Variants in TOP3B observed in about 807,000 individuals in gnomAD.
The protein encoded by TOP3B is DNA topoisomerase III beta.
TOP3B carries 45 observed loss-of-function variants against 93.9 expected under a neutral mutation model. The observed-to-expected ratio is 0.48, with a 90% confidence interval of 0.38 to 0.61. The LOEUF (loss-of-function observed/expected upper bound fraction) is 0.61, where lower values mean the gene tolerates loss of function less well. Ranked by LOEUF, TOP3B falls within the 20% of genes least tolerant of loss-of-function variation. TOP3B has a pLI of 0.00. For missense variants in TOP3B, 750 were observed against 1,156.1 expected, an observed-to-expected ratio of 0.65 and a Z score of 5.09; for synonymous variants, 357 against 472.6, an observed-to-expected ratio of 0.76 and a Z score of 3.17.
chr22:21,958,832 T>C (rs1392598250), intron 16 of TOP3B, 139 bp from the exon 17 acceptor site: 1 of 1,352,352 alleles, frequency 7.4e-7, no homozygotes, highest in African/African-American at 1.5e-5. Flanking sequence ...AGCATGAGTC[T>C]CTGGCTCTTG....
chr22:21,964,244 T>C lies in TOP3B; in HGVS notation c.1015A>G (p.Thr339Ala), dbSNP rs2071324105. The C allele has an allele frequency of 6.2e-7, 1 of 1,614,140 alleles. No individual in the cohort carries two copies. Among genetic ancestry groups the C allele is most frequent in the East Asian group, 2.2e-5 (1 of 44,882 alleles). Residue 339 changes from threonine (T) to alanine (A), a missense_variant, in exon 10 of 18, where the codon ACA becomes GCA. Transcript: ENST00000357179. Reference protein sequence around the residue: ...YTQGYISYPRTETTHYPENFD... With the variant: ...YTQGYISYPRAETTHYPENFD... ...TTCTCAGGGTAGTGGGTGGTCTCTGTCCGTGGGTAGCTGATGTAGCCTTGC... is the reference window on the plus strand; with the variant it reads ...TTCTCAGGGTAGTGGGTGGTCTCTGCCCGTGGGTAGCTGATGTAGCCTTGC...
chr22:21,976,674 T>C (rs1326307494), intron 1 of TOP3B: 1 of 152,138 alleles, frequency 6.6e-6, no homozygotes, highest in Non-Finnish European at 1.5e-5. Context: ...ACCCCCAAAA[T>C]AGGACACGAT....
At chr22:21,979,767 C>T (rs895824945) in intron 1 of TOP3B, among the ~76,000 whole-genome samples, 2 of 151,656 alleles carry the variant, frequency 1.3e-5, no homozygotes, top group Non-Finnish European at 2.9e-5. Flanking sequence ...TGGTGAAACC[C>T]CGTCTCTACT....
At chr22:21,975,534 C>T in intron 2 of TOP3B, 106 bp downstream of exon 2, 2 of 1,326,242 alleles carry the variant, frequency 1.5e-6, no homozygotes, top group Non-Finnish European at 2.0e-6. Context: ...ACCTGCCGAC[C>T]CGAACCAAAT....
chr22:21,962,216 G>A, intron 13 of TOP3B: 1 of 1,493,310 alleles, frequency 6.7e-7, no homozygotes, highest in Non-Finnish European at 8.9e-7. Flanking sequence ...GGCCTTCACA[G>A]GGAAGGCCAG....
At chr22:21,976,700 ATCACTGTTGGTCTTTGCAACAGCTT>A (rs2071885512) in intron 1 of TOP3B, 1 of 152,214 alleles carries the variant, frequency 6.6e-6, no homozygotes, top group South Asian at 2.1e-4. Context: ...TTGTGTCTGA[ATCACTGTTGGTCTTTGCAACAGCTT>A]TCTGTGCCTG....
At position 21,970,417 on chromosome 22, in the gene TOP3B, G is replaced by A. The variant is rs1298169854; in HGVS notation, c.385-11C>T. ...AACAGCATCAAGAACCTGGGGGTGG[G>A]GAGTGGCCAGCTGTGACCCACCTCC... On this transcript the variant is annotated splice_polypyrimidine_tract_variant and intron_variant, in intron 5 of 17. Transcript: ENST00000357179. This position sits in a 1 kb window ranked among gnomAD's most constrained non-coding sequence, Gnocchi z 4.4. 3 of 1,612,498 alleles carry A rather than the reference G, an allele frequency of 1.9e-6. No homozygotes were observed. Among genetic ancestry groups the A allele is most frequent in the Non-Finnish European group, 2.5e-6 (3 of 1,179,454 alleles).
chr22:21,976,227 C>T (rs1353931049), intron 1 of TOP3B: 2 of 152,804 alleles, frequency 1.3e-5, no homozygotes, highest in Non-Finnish European at 1.5e-5. Context: ...CAGCACCTCC[C>T]GCTCAGCAAA....
intron 14 of TOP3B, 35 bp downstream of exon 14, chr22:21,960,286 T>A (rs752919986): frequency 1.2e-6 from 2 of 1,612,202 alleles, no homozygotes; most frequent in Admixed American, 3.3e-5. Context: ...CCAGGGAGCC[T>A]CGGTGGGCCC....
intron 1 of TOP3B, among the ~76,000 whole-genome samples, chr22:21,981,496 G>A (rs1175942689): frequency 1.3e-5 from 2 of 152,170 alleles, no homozygotes; most frequent in African/African-American, 4.8e-5. Flanking sequence ...TAAGCAGCAG[G>A]AGAACACGGG....
In TOP3B at chr22:21,959,694, T is replaced by C. The variant is rs780240843; in HGVS notation, c.1697A>G (p.Lys566Arg). The change falls in exon 15 of 18, where the codon AAG (lysine) becomes AGG (arginine). Residue 566 changes from lysine to arginine, a missense_variant. Lys to Arg is a conservative substitution (Grantham distance 26, BLOSUM62 2). Transcript: ENST00000357179. ...GCCCTGGGCGATCAGGTTCAGCTGCTTCTCCACTGCACTGCGGATGGTGGG... is the reference window on the plus strand; with the variant it reads ...GCCCTGGGCGATCAGGTTCAGCTGCCTCTCCACTGCACTGCGGATGGTGGG... ...VLPTIRSAVE[K>R]QLNLIAQGKA... 6.2e-7 allele frequency: 1 copy of C among 1,613,582 alleles called. No homozygotes were observed. Among genetic ancestry groups the C allele is most frequent in the Admixed American group, 1.7e-5 (1 of 60,018 alleles).
chr22:21,959,190 G>T lies in TOP3B; in HGVS notation c.1847C>A (p.Ala616Asp), dbSNP rs1426955304. 1.2e-6 allele frequency: 2 copies of T among 1,613,488 alleles called. No individual in the cohort carries two copies. Among genetic ancestry groups the T allele is most frequent in the Non-Finnish European group, 1.7e-6 (2 of 1,179,992 alleles). The stretch of plus-strand genomic sequence containing the variant: ...ACAGCGTGAGAGGGGCTTGCCTGTG[G>T]CCGCCAGGGGCGAGAAAGACACCTC... Reference protein sequence around the residue: ...LMEVSFSPLAATGKPLSRCGK... With the variant: ...LMEVSFSPLADTGKPLSRCGK... Residue 616 changes from alanine to aspartate, a missense_variant, in exon 16 of 18, where the codon GCC (alanine) becomes GAC (aspartate). Ala to Asp is a moderately radical substitution (Grantham distance 126). Coordinates refer to ENST00000357179, the MANE Select transcript of TOP3B (RefSeq NM_001282112.2).
At chr22:21,968,150 A>C (rs1354864905) in intron 7 of TOP3B, 1 of 232,278 alleles carries the variant, frequency 4.3e-6, no homozygotes, top group East Asian at 1.0e-4. Flanking sequence ...GTAGCCTTGG[A>C]CTCCTGGCCT....
intron 9 of TOP3B, 68 bp from the exon 10 acceptor site, chr22:21,964,383 T>G: frequency 1.3e-6 from 2 of 1,579,536 alleles, no homozygotes; most frequent in Admixed American, 3.4e-5. Flanking sequence ...CCCTGGCCTA[T>G]GCACTCAGGC....
At position 21,962,588 on chromosome 22, in the gene TOP3B, T is replaced by C. The variant is rs766097711; in HGVS notation, c.1366A>G (p.Met456Val). 12 of 1,613,062 alleles carry C rather than the reference T, an allele frequency of 7.4e-6. No homozygotes were observed. The highest frequency in any genetic ancestry group is 1.0e-5 in the Non-Finnish European group (12 of 1,179,816). ...TVLSPGFTEV[M>V]PWQSVPLEES... ...TCCAGGGGCACGCTCTGCCAGGGCATGACCTCCGTGAAGCCTGGAGAGATA... is the reference window on the plus strand; with the variant it reads ...TCCAGGGGCACGCTCTGCCAGGGCACGACCTCCGTGAAGCCTGGAGAGATA... Residue 456 changes from methionine (M) to valine (V), a missense_variant, in exon 13 of 18, where the codon ATG becomes GTG. Physicochemically the swap from Met to Val is conservative, Grantham distance 21 (BLOSUM62 1). Transcript: ENST00000357179.
At chr22:21,981,242 G>A (rs5756326) in intron 1 of TOP3B, among the ~76,000 whole-genome samples, 6,459 of 152,310 alleles carry the variant, frequency 0.042, 311 homozygotes, top group East Asian at 0.22. Context: ...CCTAGGCAGG[G>A]ATGCTAATAG....
chr22:21,971,844 A>G lies in TOP3B; in HGVS notation c.384+33T>C, dbSNP rs957448888. 8 of 1,611,344 alleles carry G rather than the reference A, an allele frequency of 5.0e-6. No homozygotes were observed. The highest frequency in any genetic ancestry group is 2.2e-5 in the East Asian group (1 of 44,860). The stretch of plus-strand genomic sequence containing the variant: ...GTTTGGGGCTGGTGTCAGAAAGGCC[A>G]AAAGTGAGGAACAAAGTGAGCCTCA... On this transcript the variant is annotated intron_variant, in intron 5 of 17. Transcript: ENST00000357179. The surrounding 1 kb of genome is among the most constrained non-coding windows in gnomAD (Gnocchi z 4.6).
chr22:21,958,411 G>C (rs1429326871), intron 17 of TOP3B, 81 bp downstream of exon 17: 3 of 1,604,000 alleles, frequency 1.9e-6, no homozygotes, highest in Non-Finnish European at 1.7e-6. Flanking sequence ...TCCCCTCAGA[G>C]TCCAGCCTGG....
At chr22:21,980,642 C>T (rs1451821390) in intron 1 of TOP3B, among the ~76,000 whole-genome samples, 1 of 152,232 alleles carries the variant, frequency 6.6e-6, no homozygotes, top group Non-Finnish European at 1.5e-5. Flanking sequence ...TGTGGAATGA[C>T]GACACTGTCT....
Sources: allele counts gnomAD v4.1 joint callset (sites outside exome capture counted in the v4.1 genomes callset), GRCh38; gene constraint gnomAD v4.1.1; non-coding constraint Gnocchi (gnomAD v3.1); transcripts MANE v1.5; gene names NCBI Gene and HGNC (gene_info 2026-07-23, HGNC 2026-07-21).